Variants in FAM135A observed in about 807,000 individuals in gnomAD.
FAM135A encodes the protein family with sequence similarity 135 member A.
FAM135A carries 79 observed loss-of-function variants against 146.8 expected under a neutral mutation model. The ratio of observed to expected loss-of-function variants is 0.54; its 90% confidence interval spans 0.45 to 0.65. FAM135A has a LOEUF of 0.65. Ranked by LOEUF, FAM135A falls within the 30% of genes least tolerant of loss-of-function variation. The pLI is 0.00. For missense variants in FAM135A, 1,623 were observed against 1,758.2 expected (o/e 0.92, Z 1.38); for synonymous variants, 562 against 603.6 (o/e 0.93, Z 1.01).
At chr6:70,444,771 GTGA>G (rs1355595021) in intron 4 of FAM135A, among the ~76,000 whole-genome samples, 4 of 152,184 alleles carry the variant, frequency 2.6e-5, no homozygotes, top group Admixed American at 1.3e-4. Context: ...TCTTCAATAA[GTGA>G]TGAACAAATG....
chr6:70,414,122 G>T (rs1437234832), intron 1 of FAM135A: 1 of 851,056 alleles, frequency 1.2e-6, no homozygotes, highest in Non-Finnish European at 1.4e-6. Context: ...TGCCCGGGTG[G>T]TCCCTCCTTG....
intron 18 of FAM135A, 74 bp from the exon 19 acceptor site, chr6:70,536,186 T>G: frequency 7.1e-7 from 1 of 1,413,780 alleles, no homozygotes; most frequent in Non-Finnish European, 9.5e-7. Flanking sequence ...ACATCCATTT[T>G]ATAGTGGATC....
chr6:70,432,243 G>A (rs1771835262), intron 4 of FAM135A, among the ~76,000 whole-genome samples: 2 of 152,040 alleles, frequency 1.3e-5, no homozygotes, highest in South Asian at 4.1e-4. Flanking sequence ...AAAAATAGAT[G>A]TATACTTAAT....
chr6:70,552,526 T>C (rs1047445309), intron 20 of FAM135A, among the ~76,000 whole-genome samples: 2 of 145,780 alleles, frequency 1.4e-5, no homozygotes, highest in Non-Finnish European at 3.0e-5. Flanking sequence ...TGGAGTACAG[T>C]GGCGTGATCT....
intron 5 of FAM135A, among the ~76,000 whole-genome samples, chr6:70,471,544 C>T (rs1781611720): frequency 6.6e-6 from 1 of 151,848 alleles, no homozygotes; most frequent in South Asian, 2.1e-4. Flanking sequence ...GGGAATGACA[C>T]ACCCTGGGGC....
chr6:70,432,987 A>G (rs1300056451), intron 4 of FAM135A, among the ~76,000 whole-genome samples: 1 of 152,118 alleles, frequency 6.6e-6, no homozygotes, highest in East Asian at 1.9e-4. Context: ...CAGTTTATAA[A>G]TGGTATAAGT....
intron 2 of FAM135A, among the ~76,000 whole-genome samples, 170 bp from the exon 3 acceptor site, chr6:70,426,269 T>C (rs574659843): frequency 2.6e-5 from 4 of 152,302 alleles, no homozygotes; most frequent in African/African-American, 7.2e-5. Flanking sequence ...AATATTGATA[T>C]TGAAATTGTG....
chr6:70,524,195 C>T (rs1031376557), intron 14 of FAM135A, 74 bp downstream of exon 14: 42 of 1,444,010 alleles, frequency 2.9e-5, no homozygotes, highest in Non-Finnish European at 3.7e-5. Flanking sequence ...ATACATAAAA[C>T]CATTCCCTAA....
At chr6:70,430,230 G>A (rs915875991) in intron 4 of FAM135A, among the ~76,000 whole-genome samples, 4 of 151,940 alleles carry the variant, frequency 2.6e-5, no homozygotes, top group Non-Finnish European at 5.9e-5. Context: ...CCAGCTACTC[G>A]GGAGGCTGAG....
At position 70,526,254 on chromosome 6, in the gene FAM135A, T is replaced by C. The variant is rs1794667359; in HGVS notation, c.3170T>C (p.Val1057Ala). ...ACGGATATTTCTGACACATGTGCTG[T>C]TAGCTACAGCAATGCACTTAGCCCT... ...SSTDISDTCAVSYSNALSPQK... is the reference protein window; with the variant it reads ...SSTDISDTCAASYSNALSPQK... Residue 1057 changes from valine to alanine, a missense_variant, in exon 15 of 22, where the codon GTT becomes GCT. Val to Ala is a moderately conservative substitution (Grantham distance 64, BLOSUM62 0). Around this residue, in one of 7 missense-constraint regions of FAM135A, gnomAD observed 1,061 missense variants for 1,113.8 expected, o/e 0.95. Transcript: ENST00000418814. 1 of 1,613,416 alleles carries C rather than the reference T, an allele frequency of 6.2e-7. No homozygotes were observed. The highest frequency in any genetic ancestry group is 1.3e-5 in the African/African-American group (1 of 74,884).
At chr6:70,549,005 A>G (rs1006355287) in intron 20 of FAM135A, among the ~76,000 whole-genome samples, 1 of 152,170 alleles carries the variant, frequency 6.6e-6, no homozygotes, top group Non-Finnish European at 1.5e-5. Context: ...GGTAAAATTT[A>G]AAAGATGCTA....
At chr6:70,440,019 G>C (rs1477871253) in intron 4 of FAM135A, among the ~76,000 whole-genome samples, 10 of 152,084 alleles carry the variant, frequency 6.6e-5, no homozygotes, top group Admixed American at 6.6e-4. Flanking sequence ...AATCCAGTTA[G>C]TGTACACAGT....
At chr6:70,475,795 A>G (rs772708878) in intron 7 of FAM135A, 62 bp downstream of exon 7, 34 of 1,308,730 alleles carry the variant, frequency 2.6e-5, no homozygotes, top group Non-Finnish European at 3.3e-5. Context: ...TTATTATTAG[A>G]TTGCCCATTT....
chr6:70,527,143 A>G (rs1794920072), intron 15 of FAM135A, among the ~76,000 whole-genome samples: 1 of 152,062 alleles, frequency 6.6e-6, no homozygotes, highest in African/African-American at 2.4e-5. Flanking sequence ...GGATAATATT[A>G]GTTAAATGAG....
At chr6:70,433,776 T>C (rs1187459461) in intron 4 of FAM135A, among the ~76,000 whole-genome samples, 1 of 152,188 alleles carries the variant, frequency 6.6e-6, no homozygotes, top group East Asian at 1.9e-4. Flanking sequence ...TGTAATAGAT[T>C]ATTCAATGTT....
At chr6:70,471,945 T>C (rs922095765) in intron 5 of FAM135A, among the ~76,000 whole-genome samples, 1 of 152,064 alleles carries the variant, frequency 6.6e-6, no homozygotes, top group African/African-American at 2.4e-5. Context: ...TTTGAAAAAG[T>C]GATCTTAAAT....
intron 5 of FAM135A, among the ~76,000 whole-genome samples, chr6:70,459,224 G>A (rs1778952571): frequency 6.6e-6 from 1 of 151,776 alleles, no homozygotes; most frequent in Non-Finnish European, 1.5e-5. Flanking sequence ...TCCTTCCAGC[G>A]CTAAATTTTA....
chr6:70,555,212 AC>A (rs1046012967), intron 20 of FAM135A, among the ~76,000 whole-genome samples: 2 of 152,110 alleles, frequency 1.3e-5, no homozygotes, highest in Admixed American at 6.5e-5. Context: ...AAGTCAAGTC[AC>A]TTTTAGAAAA....
Position 70,526,444 on chromosome 6 carries a change from T to A in FAM135A, c.3360T>A (p.Asp1120Glu). The change falls in exon 15 of 22, where the codon GAT becomes GAA. Residue 1120 changes from aspartate to glutamate, a missense_variant. Asp to Glu is a conservative substitution (Grantham distance 45). This residue lies in a region of FAM135A where 1,061 missense variants were observed against 1,113.8 expected (regional missense o/e 0.95). Transcript: ENST00000418814. ...TAAATGCTCACTATACAAGCAGAGA[T>A]GAACTAATGGAAGAAAGACTTACAA... ...GTINAHYTSR[D>E]ELMEERLTKS... The A allele has an allele frequency of 1.2e-6, 2 of 1,613,438 alleles. No individual in the cohort carries two copies. Among genetic ancestry groups the A allele is most frequent in the Non-Finnish European group, 1.7e-6 (2 of 1,179,628 alleles).
Sources: gnomAD v4.1 joint callset for allele counts (sites outside exome capture counted in the v4.1 genomes callset) on GRCh38, gnomAD v4.1.1 for gene constraint, gnomAD v4.1.1 regional missense constraint, MANE v1.5 for transcripts, NCBI Gene and HGNC (gene_info 2026-07-23, HGNC 2026-07-21) for gene names.